The following CA2 variants were observed in gnomAD, a reference collection of about 807,000 sequenced individuals.
The protein encoded by CA2 is carbonate dehydratase II.
CA2 carries 23 observed loss-of-function variants against 27.8 expected under a neutral mutation model. The observed-to-expected ratio is 0.83, with a 90% CI of 0.59 to 1.17. CA2 has a LOEUF of 1.17. CA2 is among the 50% of genes most tolerant of loss of function. The pLI is 0.00. For missense variants in CA2, 300 were observed against 314.7 expected (o/e 0.95, Z 0.35); for synonymous variants, 99 against 114.9 (o/e 0.86, Z 0.88).
chr8:85,466,590 G>A lies in CA2; in HGVS notation c.232+1121G>A, dbSNP rs557297063. ...GATTCTGGAAGACAATTTGATGGGG[G>A]ATAATGTGGAGATCATCTGAGAAAT... On this transcript the variant is annotated intron_variant, in intron 2 of 6. Transcript: ENST00000285379. Among the ~76,000 whole-genome samples, 3 of 152,008 alleles carry A rather than the reference G, an allele frequency of 2.0e-5. No individual in the cohort carries two copies. In the East Asian group the frequency reaches 5.8e-4, roughly 29 times the overall value.
chr8:85,473,298 A>G (rs2130557386), intron 2 of CA2: 2 of 403,670 alleles, frequency 5.0e-6, no homozygotes, highest in South Asian at 3.6e-5. Context: ...CAGTAGCTGC[A>G]TGGGCACTTC....
intron 6 of CA2, among the ~76,000 whole-genome samples, chr8:85,478,262 C>G (rs1811835510): frequency 6.6e-6 from 1 of 152,168 alleles, no homozygotes; most frequent in Admixed American, 6.5e-5. Context: ...GCTGAAGATA[C>G]TTCATATCTT....
chr8:85,472,314 G>A (rs1391949941), intron 2 of CA2, among the ~76,000 whole-genome samples: 1 of 151,952 alleles, frequency 6.6e-6, no homozygotes, highest in East Asian at 1.9e-4. Context: ...AATTTAAATT[G>A]TAGAACTAAA....
chr8:85,478,391 A>G (rs933401930), intron 6 of CA2, among the ~76,000 whole-genome samples: 1 of 152,244 alleles, frequency 6.6e-6, no homozygotes, highest in South Asian at 2.1e-4. Context: ...AACATATTTG[A>G]GTAAGCTTCT....
rs976296622 is a variant in CA2, at chr8:85,464,196, C to G, written c.34+81C>G. 12 of 1,337,548 alleles carry G rather than the reference C, an allele frequency of 9.0e-6. No homozygotes were observed. In the African/African-American group the frequency reaches 1.7e-4, roughly 19 times the overall value. The allele number at this position is 1,337,548 out of a possible 1,614,324, so 82.9% of individuals were successfully genotyped here. ...CGATCCCCGAGCCCGGATGCCGGCCCGGGGCCCGCAGCGCCCGCACATGCT... is the reference window on the plus strand; with the variant it reads ...CGATCCCCGAGCCCGGATGCCGGCCGGGGGCCCGCAGCGCCCGCACATGCT... On this transcript the variant is annotated intron_variant, in intron 1 of 6. Coordinates refer to ENST00000285379, the MANE Select transcript of CA2 (RefSeq NM_000067.3).
intron 2 of CA2, chr8:85,473,369 T>C (rs1257306155): frequency 2.1e-6 from 1 of 476,110 alleles, no homozygotes. Flanking sequence ...CCTGAATCTA[T>C]GACTCTAAAA....
chr8:85,464,260 C>T lies in CA2; in HGVS notation c.34+145C>T, dbSNP rs987243869. 23 of 626,824 alleles carry T rather than the reference C, an allele frequency of 3.7e-5. No individual in the cohort carries two copies. In the African/African-American group the frequency reaches 3.9e-4, roughly 11 times the overall value. The allele number at this position is 626,824 out of a possible 1,614,324, so 38.8% of individuals were successfully genotyped here. On this transcript the variant is annotated intron_variant, in intron 1 of 6. Transcript: ENST00000285379. ...GCGGGGAGTGCTGGAGGCTCAGGTG[C>T]GCCCCGGGCGCTCGCTCCGCTCGCG...
chr8:85,470,389 T>C (rs1484312246), intron 2 of CA2, among the ~76,000 whole-genome samples: 1 of 152,218 alleles, frequency 6.6e-6, no homozygotes. Context: ...ATTAATCTTT[T>C]GCTTTATTAG....
chr8:85,474,036 G>T (rs530596338), intron 3 of CA2: 4 of 605,400 alleles, frequency 6.6e-6, no homozygotes, highest in Non-Finnish European at 8.7e-6. Flanking sequence ...AAAAGTAAAC[G>T]GACTCAAACT....
Position 85,480,753 on chromosome 8 carries a change from A to G in CA2, c.747A>G (p.Pro249=). 1 of 1,613,984 alleles carries G rather than the reference A, an allele frequency of 6.2e-7. No homozygotes were observed. The highest frequency in any genetic ancestry group is 8.5e-7 in the Non-Finnish European group (1 of 1,179,900). ...LMVDNWRPAQ[P]LKNRQIKASF... ...TGGACAACTGGCGCCCAGCTCAGCC[A>G]CTGAAGAACAGGCAAATCAAAGCTT... The change falls in exon 7 of 7, where the codon CCA becomes CCG. Residue 249 remains proline, a synonymous_variant. Coordinates refer to ENST00000285379, the MANE Select transcript of CA2 (RefSeq NM_000067.3).
intron 5 of CA2, among the ~76,000 whole-genome samples, chr8:85,476,387 G>C (rs80207957): frequency 6.6e-6 from 1 of 152,066 alleles, no homozygotes; most frequent in African/African-American, 2.4e-5. Flanking sequence ...AGTCACTTCC[G>C]GTGATGGGGA....
chr8:85,475,645 T>G (rs1487968559), intron 4 of CA2, among the ~76,000 whole-genome samples, 153 bp from the exon 5 acceptor site: 4 of 152,056 alleles, frequency 2.6e-5, no homozygotes, highest in Non-Finnish European at 4.4e-5. Flanking sequence ...ATGGTGTCAG[T>G]GTCATCAAGC....
At position 85,475,827 on chromosome 8, in the gene CA2, A is replaced by G. The variant is rs760216695; in HGVS notation, c.474A>G (p.Lys158=). Residue 158 remains lysine (K), a synonymous_variant, in exon 5 of 7, where the codon AAA becomes AAG. Transcript: ENST00000285379. ...KVGSAKPGLQ[K]VVDVLDSIKT... ...GCAGCGCTAAACCGGGCCTTCAGAA[A>G]GTTGTTGATGTGCTGGATTCCATTA... The G allele has an allele frequency of 6.2e-7, 1 of 1,614,106 alleles. No individual in the cohort carries two copies. Among genetic ancestry groups the G allele is most frequent in the Non-Finnish European group, 8.5e-7 (1 of 1,179,996 alleles).
At chr8:85,475,371 TAAAAAAA>T (rs3070396) in intron 4 of CA2, among the ~76,000 whole-genome samples, 1 of 41,362 alleles carries the variant, frequency 2.4e-5, no homozygotes, top group African/African-American at 1.1e-4. Context: ...ACTCTGACTC[TAAAAAAA>T]AAAAAAAAAA....
intron 2 of CA2, among the ~76,000 whole-genome samples, chr8:85,471,516 G>A (rs1811712573): frequency 6.6e-6 from 1 of 151,972 alleles, no homozygotes; most frequent in African/African-American, 2.4e-5. Flanking sequence ...GAAAGAATAA[G>A]AAACAGCAAT....
chr8:85,465,137 A>G (rs1198723606), intron 1 of CA2, 135 bp from the exon 2 acceptor site: 1 of 674,578 alleles, frequency 1.5e-6, no homozygotes, highest in Non-Finnish European at 2.6e-6. Context: ...GTGTTTTCCC[A>G]AAATTTAGCC....
At position 85,473,945 on chromosome 8, in the gene CA2, T is replaced by A. The variant is rs780680227; in HGVS notation, c.351+134T>A. 471 of 700,366 alleles carry A rather than the reference T, an allele frequency of 6.7e-4. 4 individuals carry two copies. In the Middle Eastern group the frequency reaches 0.012, roughly 18 times the overall value. The allele number at this position is 700,366 out of a possible 1,614,324, so 43.4% of individuals were successfully genotyped here. A position where few individuals can be genotyped will look rare whatever the true frequency, so the allele number is the denominator to read the frequency against. Reference sequence around the variant, plus strand: ...CTTCTTTTACAAAGGACCTTCACATTTGCTTTTTATAACCTTTAATTGTGA... The same window carrying A: ...CTTCTTTTACAAAGGACCTTCACATATGCTTTTTATAACCTTTAATTGTGA... On this transcript the variant is annotated intron_variant, in intron 3 of 6. Transcript: ENST00000285379.
rs1811886586 is a variant in CA2 at position 85,481,246 on chromosome 8, A to G, written c.*457A>G. 1 of 154,616 alleles carries G rather than the reference A, an allele frequency of 6.5e-6. No homozygotes were observed. Among genetic ancestry groups the G allele is most frequent in the South Asian group, 2.0e-4 (1 of 5,016 alleles). 9.6% of individuals were successfully genotyped at this position (154,616 alleles called of 1,614,324 possible). ...TGTAAACCAGAAAAAATAAATGTTC[A>G]TGATTTCAAGATGTTATATTAAAGA... On this transcript the variant is annotated 3_prime_UTR_variant, in exon 7 of 7. Coordinates refer to ENST00000285379, the MANE Select transcript of CA2 (RefSeq NM_000067.3).
At chr8:85,478,172 T>C (rs556505117) in intron 6 of CA2, among the ~76,000 whole-genome samples, 10 of 152,364 alleles carry the variant, frequency 6.6e-5, no homozygotes, top group Admixed American at 6.5e-4. Flanking sequence ...TGTTTTCCAC[T>C]CAGCTACCTT....
Sources: gnomAD v4.1 joint callset for allele counts (sites outside exome capture counted in the v4.1 genomes callset) on GRCh38, gnomAD v4.1.1 for gene constraint, MANE v1.5 for transcripts, NCBI Gene and HGNC (gene_info 2026-07-23, HGNC 2026-07-21) for gene names.